Variants in PDE5A observed in about 807,000 individuals in gnomAD.
The protein encoded by PDE5A is phosphodiesterase 5A.
PDE5A carries 67 observed loss-of-function variants against 110.2 expected under a neutral mutation model. The observed-to-expected ratio is 0.61, with a 90% CI of 0.50 to 0.75. PDE5A has a LOEUF of 0.75. Among genes scored for constraint, PDE5A ranks in the 30% least tolerant of loss-of-function variants. The probability of loss-of-function intolerance (pLI) is 0.00; values close to 1 mark genes in which losing one functional copy is unlikely to be tolerated. For missense variants in PDE5A, 862 were observed against 1,045.1 expected, an observed-to-expected ratio of 0.82 and a Z score of 2.42; for synonymous variants, 328 against 351.2, an observed-to-expected ratio of 0.93 and a Z score of 0.74.
Position 119,562,965 on chromosome 4 carries a change from C to A in PDE5A, c.999G>T (p.Leu333=), listed in dbSNP as rs187424359. 2 of 1,575,014 alleles carry A rather than the reference C, an allele frequency of 1.3e-6. No individual in the cohort carries two copies. The highest frequency in any genetic ancestry group is 2.8e-5 in the African/African-American group (2 of 72,380). Residue 333 remains leucine (L), a synonymous_variant, in exon 6 of 21, where the codon CTG becomes CTT. Transcript: ENST00000354960. ...CAAAAATTAAACTAGCAAGGTCAAG[C>A]AGCACCTAGACAAAAAAATTAGGAG... is the stretch of plus-strand genomic sequence containing the variant. The part of the protein sequence containing the change: ...SLLENKRNQV[L]LDLASLIFEE...
At chr4:119,614,005 T>C (rs1729847201) in intron 1 of PDE5A, among the ~76,000 whole-genome samples, 1 of 151,272 alleles carries the variant, frequency 6.6e-6, no homozygotes, top group African/African-American at 2.4e-5. Flanking sequence ...GAAGTAAAAA[T>C]CAAATTCAAG....
chr4:119,550,496 CTG>C (rs1727305021), intron 9 of PDE5A: 1 of 152,244 alleles, frequency 6.6e-6, no homozygotes, highest in Admixed American at 6.5e-5. Flanking sequence ...TAACACAATG[CTG>C]TGAGTCCGAC....
At chr4:119,560,061 A>G (rs1439122664) in intron 7 of PDE5A, among the ~76,000 whole-genome samples, 1 of 152,208 alleles carries the variant, frequency 6.6e-6, no homozygotes, top group African/African-American at 2.4e-5. Context: ...ATAATAGTCT[A>G]GTAATGAGTT....
chr4:119,511,059 A>G lies in PDE5A; in HGVS notation c.2076T>C (p.Ile692=). The change falls in exon 15 of 21, where the codon ATT becomes ATC. Residue 692 remains isoleucine (I), a synonymous_variant. Coordinates refer to ENST00000354960, the MANE Select transcript of PDE5A (RefSeq NM_001083.4). ...ATTAGGTACTTACTGGACTATTAAG[A>G]ATCATCAGGCACTGGTCAAAATGAT... ...EHHHFDQCLM[I]LNSPGNQILS... The G allele has an allele frequency of 6.3e-7, 1 of 1,594,044 alleles. No homozygotes were observed. Among genetic ancestry groups the G allele is most frequent in the Non-Finnish European group, 8.6e-7 (1 of 1,163,164 alleles).
At chr4:119,569,609 A>G (rs1728072654) in intron 3 of PDE5A, 1 of 152,442 alleles carries the variant, frequency 6.6e-6, no homozygotes, top group Non-Finnish European at 1.5e-5. Context: ...AAAATTTTAA[A>G]CCCACAGCAA....
chr4:119,563,059 T>C (rs1727801636), intron 5 of PDE5A, 89 bp from the exon 6 acceptor site: 2 of 1,121,742 alleles, frequency 1.8e-6, no homozygotes, highest in Non-Finnish European at 2.5e-6. Context: ...ATTGTTTATA[T>C]AACCTAGCAG....
chr4:119,595,465 A>C (rs1194349792), intron 3 of PDE5A, among the ~76,000 whole-genome samples: 2 of 152,170 alleles, frequency 1.3e-5, no homozygotes, highest in Non-Finnish European at 2.9e-5. Context: ...TTAGCATTTG[A>C]ATCAGTAGAC....
At position 119,495,432 on chromosome 4, in the gene PDE5A, A is replaced by T. The variant is rs200619289; in HGVS notation, c.*3169T>A. The T allele has an allele frequency of 3.9e-5, 6 of 152,424 alleles. No homozygotes were observed. Among genetic ancestry groups the T allele is most frequent in the Non-Finnish European group, 8.8e-5 (6 of 68,022 alleles). 9.4% of individuals were successfully genotyped at this position (152,424 alleles called of 1,614,324 possible). A position where few individuals can be genotyped will look rare whatever the true frequency, so the allele number is the denominator to read the frequency against. On this transcript the variant is annotated 3_prime_UTR_variant, in exon 21 of 21. Coordinates refer to ENST00000354960, the MANE Select transcript of PDE5A (RefSeq NM_001083.4). ...GACATTTTGTATCCTCTCATATTAA[A>T]TCAATCTTGTAAACAAAAGACAATT...
intron 10 of PDE5A, among the ~76,000 whole-genome samples, chr4:119,539,308 T>C (rs1389538890): frequency 6.6e-6 from 1 of 152,004 alleles, no homozygotes; most frequent in Non-Finnish European, 1.5e-5. Flanking sequence ...AGCCTAGAAA[T>C]AACTTTTGGC....
Position 119,497,946 on chromosome 4 carries a change from A to G in PDE5A, c.*655T>C, listed in dbSNP as rs1725138614. On this transcript the variant is annotated 3_prime_UTR_variant, in exon 21 of 21. Coordinates refer to ENST00000354960, the MANE Select transcript of PDE5A (RefSeq NM_001083.4). ...GATTTTATGGGTAGCTTTCAGAAAA[A>G]TGTACTGCACTGAAGTGACAAAGTT... The G allele has an allele frequency of 6.6e-6, 1 of 152,184 alleles. No homozygotes were observed. The highest frequency in any genetic ancestry group is 1.5e-5 in the Non-Finnish European group (1 of 68,038). The allele number at this position is 152,184 out of a possible 1,614,324, so 9.4% of individuals were successfully genotyped here.
At chr4:119,583,948 A>C (rs1728672523) in intron 3 of PDE5A, among the ~76,000 whole-genome samples, 1 of 152,214 alleles carries the variant, frequency 6.6e-6, no homozygotes. Flanking sequence ...TTGTATGCTG[A>C]TGAGCAGATT....
At chr4:119,574,754 A>T (rs185088339) in intron 3 of PDE5A, among the ~76,000 whole-genome samples, 2 of 152,318 alleles carry the variant, frequency 1.3e-5, no homozygotes, top group Non-Finnish European at 2.9e-5. Context: ...ATTAAAAAAA[A>T]TCCTATGTAT....
intron 1 of PDE5A, among the ~76,000 whole-genome samples, chr4:119,614,105 T>C (rs567498079): frequency 6.6e-6 from 1 of 151,998 alleles, no homozygotes. Flanking sequence ...CACTGTTTTC[T>C]TAAGGTAAAA....
chr4:119,538,821 T>C, intron 11 of PDE5A, 139 bp downstream of exon 11: 2 of 727,596 alleles, frequency 2.7e-6, no homozygotes, highest in Non-Finnish European at 5.0e-6. Context: ...TTTTGCTTTG[T>C]ATTATCAGTG....
intron 6 of PDE5A, among the ~76,000 whole-genome samples, chr4:119,562,371 C>G (rs771998083): frequency 2.6e-5 from 4 of 152,226 alleles, no homozygotes; most frequent in African/African-American, 9.6e-5. Context: ...AATACTCCTA[C>G]TGGCTATGCC....
At chr4:119,517,831 G>A (rs548953087) in intron 14 of PDE5A, among the ~76,000 whole-genome samples, 57 of 151,968 alleles carry the variant, frequency 3.8e-4, no homozygotes, top group African/African-American at 1.2e-3. Context: ...GTGGAGAGGC[G>A]TACTATGTGG....
At chr4:119,501,415 A>G (rs1020435123) in intron 19 of PDE5A, among the ~76,000 whole-genome samples, 162 bp from the exon 20 acceptor site, 1 of 152,096 alleles carries the variant, frequency 6.6e-6, no homozygotes, top group Non-Finnish European at 1.5e-5. Context: ...AGTTTAAGCT[A>G]TTCTCCTGCC....
chr4:119,574,450 G>A, intron 3 of PDE5A, among the ~76,000 whole-genome samples: 1 of 151,878 alleles, frequency 6.6e-6, no homozygotes, highest in East Asian at 1.9e-4. Context: ...CAAAGTGCTG[G>A]GATTACAGGT....
intron 16 of PDE5A, 27 bp from the exon 17 acceptor site, chr4:119,505,959 G>T: frequency 7.8e-7 from 1 of 1,284,040 alleles, no homozygotes; most frequent in Non-Finnish European, 1.1e-6. Flanking sequence ...AAAATTGTTA[G>T]TTATAATGAG....
Sources: allele counts gnomAD v4.1 joint callset (sites outside exome capture counted in the v4.1 genomes callset), GRCh38; gene constraint gnomAD v4.1.1; transcripts MANE v1.5; gene names NCBI Gene and HGNC (gene_info 2026-07-23, HGNC 2026-07-21).